The following TLK2 variants were observed in gnomAD, a reference collection of about 807,000 sequenced individuals.
TLK2 encodes the protein serine/threonine-protein kinase tousled-like 2.
In TLK2, 6 loss-of-function variants were observed where a neutral mutation model predicts 117.3. The observed-to-expected ratio is 0.05, with a 90% CI of 0.03 to 0.10. The LOEUF (loss-of-function observed/expected upper bound fraction) is 0.10, where lower values mean the gene tolerates loss of function less well. Ranked by LOEUF, TLK2 falls within the 10% of genes least tolerant of loss-of-function variation. TLK2 has a pLI of 1.00. For synonymous variants in TLK2, 257 were observed against 316.7 expected, an observed-to-expected ratio of 0.81 and a Z score of 2.00; for missense variants, 299 against 901.2, an observed-to-expected ratio of 0.33 and a Z score of 8.56.
intron 2 of TLK2, among the ~76,000 whole-genome samples, chr17:62,506,781 T>C (rs1418169262): frequency 6.6e-6 from 1 of 152,220 alleles, no homozygotes; most frequent in African/African-American, 2.4e-5. Flanking sequence ...AAGAGAACTT[T>C]TTAGCATAAA....
At chr17:62,484,653 A>G (rs1403522371) in intron 2 of TLK2, among the ~76,000 whole-genome samples, 2 of 152,066 alleles carry the variant, frequency 1.3e-5, no homozygotes, top group African/African-American at 4.8e-5. Context: ...ATTGATTTGA[A>G]ATGGGGGTGT....
intron 1 of TLK2, among the ~76,000 whole-genome samples, chr17:62,480,460 G>A (rs1464883699): frequency 6.6e-6 from 1 of 152,216 alleles, no homozygotes; most frequent in Non-Finnish European, 1.5e-5. Flanking sequence ...AACTACTGCA[G>A]GGAGTGGTCA....
chr17:62,513,923 G>A (rs1249398330), intron 2 of TLK2, among the ~76,000 whole-genome samples: 1 of 151,452 alleles, frequency 6.6e-6, no homozygotes, highest in Non-Finnish European at 1.5e-5. Context: ...TCCTGACCTT[G>A]TGATCCACCC....
chr17:62,533,294 C>A (rs2076865058), intron 6 of TLK2, among the ~76,000 whole-genome samples: 1 of 151,356 alleles, frequency 6.6e-6, no homozygotes, highest in Non-Finnish European at 1.5e-5. Context: ...TTAAATTTAT[C>A]AGTGTTTTTC....
chr17:62,538,756 C>A (rs1055904473), intron 7 of TLK2, among the ~76,000 whole-genome samples: 2 of 152,106 alleles, frequency 1.3e-5, no homozygotes, highest in African/African-American at 4.8e-5. Flanking sequence ...GTATGAAAAC[C>A]AAAAGTCTAA....
At chr17:62,588,535 G>T (rs1441504412) in intron 16 of TLK2, among the ~76,000 whole-genome samples, 1 of 152,214 alleles carries the variant, frequency 6.6e-6, no homozygotes, top group African/African-American at 2.4e-5. Context: ...TCAGAGGAGG[G>T]ATCATGGTGC....
intron 6 of TLK2, 60 bp downstream of exon 6, chr17:62,524,391 C>T: frequency 2.0e-6 from 3 of 1,521,768 alleles, no homozygotes; most frequent in South Asian, 2.5e-5. Context: ...CCCAGAAACA[C>T]TCAAGCAAAG....
intron 7 of TLK2, among the ~76,000 whole-genome samples, chr17:62,543,991 G>C (rs1199803769): frequency 6.6e-6 from 1 of 151,714 alleles, no homozygotes; most frequent in Admixed American, 6.6e-5. Flanking sequence ...TTTCCATCTT[G>C]TGTTAATTTT....
rs1329091341 is a variant in TLK2 at position 62,471,624 on chromosome 17, C to T, written c.-205+546C>T. On this transcript the variant is annotated intron_variant, in intron 1 of 4. Coordinates refer to the TLK2 transcript ENST00000579450. ...AAAACTGATTGGCAGGCTGGGCTAA[C>T]GAGCTGGCGGGAACAGGGAGTATCA... 5.1e-5 allele frequency among the ~76,000 whole-genome samples: 7 copies of T among 136,278 alleles called. No homozygotes were observed. The South Asian group carries it at 9.4e-4, about 18-fold the overall frequency. The allele number at this position is 136,278 out of a possible 152,430, so 89.4% of individuals were successfully genotyped here. A position where few individuals can be genotyped will look rare whatever the true frequency, so the allele number is the denominator to read the frequency against.
intron 7 of TLK2, among the ~76,000 whole-genome samples, chr17:62,551,344 A>T (rs575214710): frequency 6.6e-6 from 1 of 152,354 alleles, no homozygotes; most frequent in East Asian, 1.9e-4. Flanking sequence ...TTCTCAGAAT[A>T]TTGAATATTT....
At chr17:62,532,238 C>T (rs922232779) in intron 6 of TLK2, among the ~76,000 whole-genome samples, 2 of 151,858 alleles carry the variant, frequency 1.3e-5, no homozygotes, top group Non-Finnish European at 2.9e-5. Context: ...TTTTCCCCCC[C>T]CAGGGAGACG....
chr17:62,574,200 G>A (rs2080559634), intron 12 of TLK2: 1 of 1,280,174 alleles, frequency 7.8e-7, no homozygotes, highest in Non-Finnish European at 1.0e-6. Context: ...AAAAGTCTGT[G>A]GCATCCTAGA....
chr17:62,557,594 T>A (rs2078953527), intron 9 of TLK2, among the ~76,000 whole-genome samples: 1 of 152,224 alleles, frequency 6.6e-6, no homozygotes, highest in South Asian at 2.1e-4. Flanking sequence ...TATTCCTGTT[T>A]TTATTCATCT....
intron 6 of TLK2, among the ~76,000 whole-genome samples, chr17:62,528,549 T>C (rs1432382182): frequency 1.3e-5 from 2 of 152,114 alleles, no homozygotes; most frequent in Non-Finnish European, 2.9e-5. Flanking sequence ...CCCGAGTAGC[T>C]GGGACTACAG....
chr17:62,527,740 C>T (rs1417107175), intron 6 of TLK2, among the ~76,000 whole-genome samples: 5 of 151,522 alleles, frequency 3.3e-5, no homozygotes, highest in African/African-American at 9.7e-5. Flanking sequence ...GCCCATCTTC[C>T]GACTAGATTT....
chr17:62,592,700 T>G (rs1286578926), intron 16 of TLK2, among the ~76,000 whole-genome samples: 1 of 152,202 alleles, frequency 6.6e-6, no homozygotes, highest in Non-Finnish European at 1.5e-5. Context: ...GGGAGATGGT[T>G]TCAGGATGAT....
chr17:62,536,023 G>T, intron 6 of TLK2, 147 bp from the exon 7 acceptor site: 1 of 857,888 alleles, frequency 1.2e-6, no homozygotes, highest in Non-Finnish European at 1.8e-6. Flanking sequence ...GATAATGTTG[G>T]TATGCTCTCC....
At chr17:62,611,059 G>A (rs879410635) in intron 21 of TLK2, among the ~76,000 whole-genome samples, 1 of 152,244 alleles carries the variant, frequency 6.6e-6, no homozygotes, top group Admixed American at 6.5e-5. Flanking sequence ...GATCACTTGA[G>A]CCCAGGAGTT....
rs115655184 is a variant in TLK2, at chr17:62,604,372, G to T, written c.1860-1758G>T. Among the ~76,000 whole-genome samples, 798 of 150,818 alleles carry T rather than the reference G, an allele frequency of 5.3e-3. 5 individuals are homozygous for T. The highest frequency in any genetic ancestry group is 0.019 in the African/African-American group (760 of 41,030). ...GAGAATAATTGTTTTTTTGTATGGGGATTTTGATTGTGATGGAATATGCAA... is the reference window on the plus strand; with the variant it reads ...GAGAATAATTGTTTTTTTGTATGGGTATTTTGATTGTGATGGAATATGCAA... On this transcript the variant is annotated intron_variant, in intron 19 of 21. Transcript: ENST00000346027.
Sources: allele counts gnomAD v4.1 joint callset (sites outside exome capture counted in the v4.1 genomes callset), GRCh38; gene constraint gnomAD v4.1.1; transcripts MANE v1.5; gene names NCBI Gene and HGNC (gene_info 2026-07-23, HGNC 2026-07-21).